POLR3G: variants seen among roughly 807,000 people sequenced by gnomAD.
The protein encoded by POLR3G is RNA polymerase III subunit G.
Under a neutral mutation model 30.1 loss-of-function variants are expected in POLR3G, and 28 were observed. That is an observed-to-expected ratio of 0.93 (90% CI 0.69 to 1.27). The LOEUF (loss-of-function observed/expected upper bound fraction) is 1.27. Ranked by LOEUF, POLR3G falls within the 50% of genes most tolerant of loss-of-function variation. POLR3G has a pLI of 0.00. For missense variants in POLR3G, 254 were observed against 264.6 expected (o/e 0.96, Z 0.28); for synonymous variants, 79 against 82.5 (o/e 0.96, Z 0.23).
rs758637749 is a variant in POLR3G, at chr5:90,495,689, A to G, written c.260A>G (p.Tyr87Cys). 4 of 1,600,786 alleles carry G rather than the reference A, an allele frequency of 2.5e-6. No homozygotes were observed. Among genetic ancestry groups the G allele is most frequent in the Middle Eastern group, 1.7e-4 (1 of 6,030 alleles). ...TPEERQDIER[Y>C]SKRYMKVYKE... Reference sequence around the variant, plus strand: ...TTTTTTCCCCTAGATATTGAAAGGTATAGTAAAAGATACATGAAGGTATAC... The same window carrying G: ...TTTTTTCCCCTAGATATTGAAAGGTGTAGTAAAAGATACATGAAGGTATAC... Residue 87 changes from tyrosine to cysteine, a missense_variant, in exon 4 of 8, where the codon TAT becomes TGT. Physicochemically the swap from Tyr to Cys is radical, Grantham distance 194 (BLOSUM62 -2). Transcript: ENST00000651687.
intron 3 of POLR3G, among the ~76,000 whole-genome samples, chr5:90,489,258 ATTTTTTTT>A (rs527243253): frequency 1.4e-5 from 2 of 138,276 alleles, no homozygotes; most frequent in Admixed American, 7.4e-5. Flanking sequence ...AAAATACTTA[ATTTTTTTT>A]TTTTTTTTTT....
intron 1 of POLR3G, among the ~76,000 whole-genome samples, chr5:90,476,958 T>C (rs1342873851): frequency 6.6e-6 from 1 of 152,206 alleles, no homozygotes; most frequent in East Asian, 1.9e-4. Context: ...ATGAGCTTCA[T>C]GAGAGGAGAA....
chr5:90,502,119 A>G (rs1411563587), intron 6 of POLR3G, 131 bp downstream of exon 6: 21 of 1,453,386 alleles, frequency 1.4e-5, no homozygotes, highest in Non-Finnish European at 1.9e-5. Flanking sequence ...CGAGCCCAAC[A>G]TATAAGGTAA....
chr5:90,478,061 T>G (rs1301991132), intron 1 of POLR3G, among the ~76,000 whole-genome samples: 1 of 152,238 alleles, frequency 6.6e-6, no homozygotes, highest in Non-Finnish European at 1.5e-5. Context: ...TGCCTCAGTG[T>G]GGACAAGGAA....
At chr5:90,479,987 A>G (rs1431882045) in intron 1 of POLR3G, among the ~76,000 whole-genome samples, 1 of 152,212 alleles carries the variant, frequency 6.6e-6, no homozygotes, top group African/African-American at 2.4e-5. Context: ...AAGTGAGGTG[A>G]AAAAGGACTG....
chr5:90,511,428 G>T (rs1752735047), intron 7 of POLR3G, among the ~76,000 whole-genome samples: 1 of 152,046 alleles, frequency 6.6e-6, no homozygotes, highest in South Asian at 2.1e-4. Flanking sequence ...GTGGATTTTT[G>T]ATTGTAAGAT....
intron 6 of POLR3G, among the ~76,000 whole-genome samples, chr5:90,504,116 A>C (rs1475528858): frequency 6.6e-6 from 1 of 152,146 alleles, no homozygotes; most frequent in African/African-American, 2.4e-5. Flanking sequence ...AAGTTGCATA[A>C]ATCTACTTTT....
At chr5:90,504,299 G>T (rs1296206554) in intron 6 of POLR3G, among the ~76,000 whole-genome samples, 1 of 151,984 alleles carries the variant, frequency 6.6e-6, no homozygotes, top group Admixed American at 6.6e-5. Flanking sequence ...CGTGGCTCAC[G>T]CCTGTAATCT....
intron 6 of POLR3G, among the ~76,000 whole-genome samples, chr5:90,503,883 A>T (rs1752364960): frequency 6.6e-6 from 1 of 152,202 alleles, no homozygotes; most frequent in Admixed American, 6.5e-5. Context: ...TATAATATTT[A>T]AACCAGAAGA....
intron 1 of POLR3G, among the ~76,000 whole-genome samples, chr5:90,481,438 G>C (rs560839094): frequency 6.6e-6 from 1 of 152,186 alleles, no homozygotes; most frequent in African/African-American, 2.4e-5. Context: ...GTATAAATCA[G>C]TCAAATCCAG....
At chr5:90,506,009 C>A (rs1752465045) in intron 6 of POLR3G, among the ~76,000 whole-genome samples, 1 of 152,016 alleles carries the variant, frequency 6.6e-6, no homozygotes, top group African/African-American at 2.4e-5. Context: ...CTAAGGTGGG[C>A]AGATCTCTTG....
rs1752817180 is a variant in POLR3G, at chr5:90,513,187, AAATTCATATTATAT to A, written c.*1050_*1063del. On this transcript the variant is annotated 3_prime_UTR_variant, in exon 8 of 8. Coordinates refer to ENST00000651687, the MANE Select transcript of POLR3G (RefSeq NM_006467.3). ...TCAGAAATGCCAAAGATTTTCAAGG[AAATTCATATTATAT>A]ATTTCAAAAATGATTTATCAATGTT... 2 of 152,620 alleles carry A rather than the reference AAATTCATATTATAT, an allele frequency of 1.3e-5. No homozygotes were observed. Among genetic ancestry groups the A allele is most frequent in the African/African-American group, 4.8e-5 (2 of 41,472 alleles). The allele number at this position is 152,620 out of a possible 1,614,324, so 9.5% of individuals were successfully genotyped here. A position where few individuals can be genotyped will look rare whatever the true frequency, so the allele number is the denominator to read the frequency against.
intron 1 of POLR3G, among the ~76,000 whole-genome samples, chr5:90,477,539 A>G (rs1750895832): frequency 6.6e-6 from 1 of 152,150 alleles, no homozygotes; most frequent in East Asian, 1.9e-4. Context: ...CTATTAGATG[A>G]GGGGTTGGAA....
chr5:90,511,699 TGTA>T (rs1271979437), intron 7 of POLR3G, among the ~76,000 whole-genome samples: 1 of 152,076 alleles, frequency 6.6e-6, no homozygotes, highest in Non-Finnish European at 1.5e-5. Flanking sequence ...TCAGTACTGG[TGTA>T]GTCTAATGGA....
Position 90,497,696 on chromosome 5 carries a change from A to G in POLR3G, c.345A>G (p.Lys115=). 1.9e-6 allele frequency: 3 copies of G among 1,604,252 alleles called. No individual in the cohort carries two copies. Among genetic ancestry groups the G allele is most frequent in the Non-Finnish European group, 2.6e-6 (3 of 1,175,674 alleles). Residue 115 remains lysine, a synonymous_variant, in exon 5 of 8, where the codon AAA becomes AAG. Transcript: ENST00000651687. ...RLPREMMPRN[K]CKKAGPKPKK... ...CAAGAGAGATGATGCCAAGAAATAA[A>G]TGTAAAAAAGGTACATTGACTAATA...
chr5:90,497,511 T>TAA (rs1433962019), intron 4 of POLR3G, 145 bp from the exon 5 acceptor site: 10 of 884,750 alleles, frequency 1.1e-5, no homozygotes, highest in Non-Finnish European at 1.6e-5. Flanking sequence ...GGTTTTTATA[T>TAA]GTTTCAAGCT....
intron 1 of POLR3G, 111 bp downstream of exon 1, chr5:90,475,131 C>T (rs1054151582): frequency 1.3e-5 from 2 of 152,240 alleles, no homozygotes; most frequent in Non-Finnish European, 2.9e-5. Context: ...CATTAAAGCG[C>T]CTCTGGTTTG....
intron 2 of POLR3G, 57 bp downstream of exon 2, chr5:90,485,741 T>C: frequency 7.8e-7 from 1 of 1,282,172 alleles, no homozygotes; most frequent in Non-Finnish European, 1.1e-6. Flanking sequence ...TCAGAGAATA[T>C]TAAAATTCTA....
intron 4 of POLR3G, among the ~76,000 whole-genome samples, chr5:90,497,365 CTG>C (rs754618334): frequency 6.6e-6 from 1 of 151,972 alleles, no homozygotes; most frequent in Non-Finnish European, 1.5e-5. Context: ...TTAAGAAAAA[CTG>C]TCATAATTCC....
Sources: allele counts gnomAD v4.1 joint callset (sites outside exome capture counted in the v4.1 genomes callset), GRCh38; gene constraint gnomAD v4.1.1; transcripts MANE v1.5; gene names NCBI Gene and HGNC (gene_info 2026-07-23, HGNC 2026-07-21).